The following MTUS2 variants were observed in gnomAD, a reference collection of about 807,000 sequenced individuals.
The protein encoded by MTUS2 is microtubule-associated tumor suppressor candidate 2.
A neutral mutation model predicts 114.1 loss-of-function variants in MTUS2; 40 were observed. The ratio of observed to expected loss-of-function variants is 0.35; its 90% CI spans 0.27 to 0.46. MTUS2 has a LOEUF of 0.46. Ranked by LOEUF, MTUS2 falls within the 20% of genes least tolerant of loss-of-function variation. The pLI is 1.00. For synonymous variants in MTUS2, 688 were observed against 672.0 expected, an observed-to-expected ratio of 1.02 and a Z score of -0.37; for missense variants, 1,679 against 1,705.4, an observed-to-expected ratio of 0.98 and a Z score of 0.27.
chr13:29,061,686 A>G (rs922169447), intron 4 of MTUS2, among the ~76,000 whole-genome samples: 2 of 152,240 alleles, frequency 1.3e-5, no homozygotes, highest in African/African-American at 4.8e-5. Context: ...TCCTCTAGGC[A>G]GAGAGATAGG....
chr13:29,128,362 G>A (rs889264075), intron 5 of MTUS2, among the ~76,000 whole-genome samples: 9 of 152,166 alleles, frequency 5.9e-5, no homozygotes, highest in African/African-American at 1.9e-4. Flanking sequence ...GAAACTCAAG[G>A]AGAGGAAACC....
intron 4 of MTUS2, among the ~76,000 whole-genome samples, chr13:29,062,587 T>G (rs1194187370): frequency 2.0e-5 from 3 of 152,148 alleles, no homozygotes; most frequent in Non-Finnish European, 4.4e-5. Flanking sequence ...TGGTTTGATA[T>G]GTAAATTACA....
intron 2 of MTUS2, among the ~76,000 whole-genome samples, chr13:28,953,419 G>A (rs1301060458): frequency 1.3e-5 from 2 of 152,262 alleles, no homozygotes; most frequent in South Asian, 4.1e-4. Context: ...TGAGAATGGA[G>A]AATCTCTTGA....
intron 2 of MTUS2, among the ~76,000 whole-genome samples, chr13:29,021,239 C>T (rs1475201572): frequency 6.6e-6 from 1 of 152,204 alleles, no homozygotes; most frequent in Non-Finnish European, 1.5e-5. Flanking sequence ...TGCACTCCAG[C>T]CTCGGCAACA....
chr13:29,337,502 T>C (rs940955624), intron 7 of MTUS2, among the ~76,000 whole-genome samples: 8 of 152,334 alleles, frequency 5.3e-5, no homozygotes, highest in African/African-American at 1.9e-4. Flanking sequence ...CCCAATGAGA[T>C]GAGCCATGTA....
intron 6 of MTUS2, among the ~76,000 whole-genome samples, chr13:29,320,144 A>G (rs1295809833): frequency 2.6e-5 from 4 of 152,214 alleles, no homozygotes; most frequent in Non-Finnish European, 4.4e-5. Context: ...TGTCATCATA[A>G]GCATCCTTGT....
chr13:29,492,683 G>C lies in MTUS2; in HGVS notation c.3543G>C (p.Leu1181Phe), dbSNP rs1226174009. 3 of 1,613,602 alleles carry C rather than the reference G, an allele frequency of 1.9e-6. No homozygotes were observed. In the East Asian group the frequency reaches 6.7e-5, roughly 36 times the overall value. The change falls in exon 12 of 16, where the codon TTG becomes TTC. Residue 1181 changes from leucine (L) to phenylalanine (F), a missense_variant. Leu to Phe is a conservative substitution (Grantham distance 22, BLOSUM62 0). Coordinates refer to ENST00000612955, the MANE Select transcript of MTUS2 (RefSeq NM_001033602.4). ...MSTHELEKKE[L>F]EENFEKLRLS... ...CTCATGAGCTTGAAAAGAAAGAATT[G>C]GAAGAAAATTTTGAAAAACTGCGGC...
At chr13:29,356,798 T>A (rs1869779773) in intron 7 of MTUS2, among the ~76,000 whole-genome samples, 1 of 152,238 alleles carries the variant, frequency 6.6e-6, no homozygotes, top group Admixed American at 6.5e-5. Flanking sequence ...CTCAGCTTTT[T>A]CTTCCTAAAG....
At position 28,980,128 on chromosome 13, in the gene MTUS2, T is replaced by C. The variant is rs192360831; in HGVS notation, c.-242-44329T>C. On this transcript the variant is annotated intron_variant, in intron 2 of 15. Transcript: ENST00000612955. ...AGTCACTTTCCTGATACTTGAGGGC[T>C]TTTGAATACATTCATTGTTTAAAAG... Among the ~76,000 whole-genome samples the C allele has an allele frequency of 3.9e-5, 6 of 152,380 alleles. No homozygotes were observed. In the East Asian group the frequency reaches 1.2e-3, roughly 29 times the overall value.
chr13:28,915,083 A>G (rs112972807), intron 2 of MTUS2, among the ~76,000 whole-genome samples: 4,690 of 151,894 alleles, frequency 0.031, 243 homozygotes, highest in African/African-American at 0.11. Flanking sequence ...CATTTAGTCC[A>G]TTTGCATTTA....
At chr13:29,221,168 G>T (rs906264166) in intron 5 of MTUS2, among the ~76,000 whole-genome samples, 1 of 152,156 alleles carries the variant, frequency 6.6e-6, no homozygotes, top group African/African-American at 2.4e-5. Context: ...AAACATCCTT[G>T]GGAGATTTGA....
intron 8 of MTUS2, among the ~76,000 whole-genome samples, chr13:29,411,322 A>AATGTTTATCTT (rs1875221754): frequency 6.6e-6 from 1 of 152,176 alleles, no homozygotes; most frequent in African/African-American, 2.4e-5. Flanking sequence ...TACTTATTAA[A>AATGTTTATCTT]ATGTTTATCT....
intron 5 of MTUS2, among the ~76,000 whole-genome samples, chr13:29,112,001 A>G (rs375570283): frequency 6.6e-5 from 10 of 152,286 alleles, no homozygotes; most frequent in African/African-American, 2.4e-4. Flanking sequence ...AAGCATTCCT[A>G]TAACTACATC....
At position 29,193,859 on chromosome 13, in the gene MTUS2, A is replaced by G. The variant is rs567579510; in HGVS notation, c.2645-87845A>G. On this transcript the variant is annotated intron_variant, in intron 5 of 15. Coordinates refer to ENST00000612955, the MANE Select transcript of MTUS2 (RefSeq NM_001033602.4). ...CTTCAAACTATACTACAAGGCTACA[A>G]TAACCAAAACAGCATGGTACTGGTA... Among the ~76,000 whole-genome samples, 118 of 152,282 alleles carry G rather than the reference A, an allele frequency of 7.7e-4. 4 individuals are homozygous for G. In the South Asian group the frequency reaches 0.021, roughly 27 times the overall value.
chr13:29,442,339 C>T (rs914851933), intron 9 of MTUS2, among the ~76,000 whole-genome samples: 4 of 152,314 alleles, frequency 2.6e-5, no homozygotes, highest in Non-Finnish European at 5.9e-5. Context: ...GTTCTAACAA[C>T]TTTGTGGCCG....
chr13:29,147,849 C>T (rs1892500044), intron 5 of MTUS2, among the ~76,000 whole-genome samples: 1 of 152,092 alleles, frequency 6.6e-6, no homozygotes, highest in African/African-American at 2.4e-5. Context: ...TTGATGGTCA[C>T]CTAGGTTGAT....
chr13:29,257,570 G>A (rs1034902614), intron 5 of MTUS2, among the ~76,000 whole-genome samples: 2 of 152,154 alleles, frequency 1.3e-5, no homozygotes, highest in Non-Finnish European at 2.9e-5. Flanking sequence ...GGCCTTATTT[G>A]ATCTTAAAAG....
rs1893355829 is a variant in MTUS2, at chr13:29,167,275, T to C, written c.2644+66305T>C. On this transcript the variant is annotated intron_variant, in intron 5 of 15. Coordinates refer to ENST00000612955, the MANE Select transcript of MTUS2 (RefSeq NM_001033602.4). Reference sequence around the variant, plus strand: ...CTGTAGTCCCAGCTACTTGGGAGGCTGAGGCAGGAGAATGGCGTGAACCTG... The same window carrying C: ...CTGTAGTCCCAGCTACTTGGGAGGCCGAGGCAGGAGAATGGCGTGAACCTG... Among the ~76,000 whole-genome samples the C allele has an allele frequency of 2.0e-5, 3 of 151,960 alleles. No individual in the cohort carries two copies. The South Asian group carries it at 6.2e-4, about 32-fold the overall frequency.
At chr13:28,951,315 GT>G (rs1229617420) in intron 2 of MTUS2, among the ~76,000 whole-genome samples, 7 of 152,300 alleles carry the variant, frequency 4.6e-5, no homozygotes, top group Non-Finnish European at 7.4e-5. Flanking sequence ...GTAATATTAA[GT>G]TTTCCAATCC....
Sources: allele counts gnomAD v4.1 joint callset (sites outside exome capture counted in the v4.1 genomes callset), GRCh38; gene constraint gnomAD v4.1.1; transcripts MANE v1.5; gene names NCBI Gene and HGNC (gene_info 2026-07-23, HGNC 2026-07-21).